SLC67A2: variants seen among roughly 807,000 people sequenced by gnomAD.
The protein encoded by SLC67A2 is solute carrier family 67 member 2, also known as solute carrier family 67 member A2.
chr2:102,735,634 T>C, the SLC67A2 span, among the ~76,000 whole-genome samples: 1 of 152,170 alleles, frequency 6.6e-6, no homozygotes, highest in Admixed American at 6.5e-5. Flanking sequence ...GAGGTGGATC[T>C]AGGGTTCTTG....
chr2:102,719,291 G>C, the SLC67A2 span: 1 of 1,351,740 alleles, frequency 7.4e-7, no homozygotes, highest in South Asian at 1.4e-5. Context: ...CCAATTATTT[G>C]TGTTAGATTA....
chr2:102,728,177 A>T, the SLC67A2 span, among the ~76,000 whole-genome samples: 1 of 152,178 alleles, frequency 6.6e-6, no homozygotes, highest in Non-Finnish European at 1.5e-5. Flanking sequence ...TAAACACTAT[A>T]CTATCAATGG....
At chr2:102,724,563 T>C in the SLC67A2 span, among the ~76,000 whole-genome samples, 2 of 152,240 alleles carry the variant, frequency 1.3e-5, no homozygotes, top group Admixed American at 6.5e-5. Context: ...TTGACTCCTA[T>C]GTCCCTAGAC....
chr2:102,727,023 A>G, the SLC67A2 span: 3 of 1,588,494 alleles, frequency 1.9e-6, no homozygotes, highest in Non-Finnish European at 2.6e-6. Flanking sequence ...AGTAACGACT[A>G]CCACCATGCA....
At chr2:102,733,346 G>A in the SLC67A2 span, among the ~76,000 whole-genome samples, 2 of 152,106 alleles carry the variant, frequency 1.3e-5, no homozygotes, top group Non-Finnish European at 2.9e-5. Flanking sequence ...GAAAGAACTC[G>A]CATGAAATAT....
the SLC67A2 span, chr2:102,732,494 A>C: frequency 8.9e-7 from 1 of 1,120,492 alleles, no homozygotes; most frequent in Non-Finnish European, 1.3e-6. Context: ...TAAAAAATAA[A>C]ACCAATATCT....
chr2:102,721,330 C>T, the SLC67A2 span, among the ~76,000 whole-genome samples: 1 of 152,132 alleles, frequency 6.6e-6, no homozygotes, highest in Non-Finnish European at 1.5e-5. Flanking sequence ...ATGTGCACCC[C>T]TCCTGATTCA....
the SLC67A2 span, among the ~76,000 whole-genome samples, chr2:102,734,490 T>C: frequency 2.0e-5 from 3 of 152,152 alleles, no homozygotes; most frequent in Non-Finnish European, 4.4e-5. Context: ...TCCTCTCCCA[T>C]TCAGAAACCA....
At chr2:102,736,415 T>G in the SLC67A2 span, 2 of 1,194,618 alleles carry the variant, frequency 1.7e-6, no homozygotes, top group Non-Finnish European at 2.2e-6. Flanking sequence ...AGGGAAGACG[T>G]TCCGCGAACG....
the SLC67A2 span, among the ~76,000 whole-genome samples, chr2:102,735,846 G>A: frequency 3.1e-4 from 46 of 149,676 alleles, no homozygotes; most frequent in African/African-American, 5.4e-4. Context: ...ACGCGCGCGC[G>A]CACACACACA....
chr2:102,715,880 A>G, the SLC67A2 span: 1 of 152,210 alleles, frequency 6.6e-6, no homozygotes, highest in Non-Finnish European at 1.5e-5. Flanking sequence ...ATTATATTCC[A>G]TAAGTGATAC....
chr2:102,714,826 T>C, the SLC67A2 span, among the ~76,000 whole-genome samples: 1 of 152,080 alleles, frequency 6.6e-6, no homozygotes, highest in Non-Finnish European at 1.5e-5. Flanking sequence ...CAAAGAGGCA[T>C]GGAGATTCAG....
chr2:102,734,551 A>C, the SLC67A2 span, among the ~76,000 whole-genome samples: 2 of 147,576 alleles, frequency 1.4e-5, no homozygotes, highest in South Asian at 2.1e-4. Context: ...GTCAAAAAAA[A>C]ACTAAATTAT....
At chr2:102,730,995 T>C in the SLC67A2 span, 4 of 1,607,688 alleles carry the variant, frequency 2.5e-6, no homozygotes, top group South Asian at 3.3e-5. Context: ...ACTACATCTG[T>C]GATGGATGAG....
At chr2:102,724,477 T>C in the SLC67A2 span, among the ~76,000 whole-genome samples, 1 of 152,138 alleles carries the variant, frequency 6.6e-6, no homozygotes. Flanking sequence ...TTGAACAAAT[T>C]GAATGCTGTG....
chr2:102,715,108 C>T, the SLC67A2 span, among the ~76,000 whole-genome samples: 2 of 152,316 alleles, frequency 1.3e-5, no homozygotes, highest in Admixed American at 1.3e-4. Context: ...CCAGCTCTCC[C>T]TCAGGGCCCC....
chr2:102,732,574 A>T, the SLC67A2 span: 1 of 584,284 alleles, frequency 1.7e-6, no homozygotes, highest in East Asian at 2.9e-5. Context: ...TGCCACTTGC[A>T]AATGCCTGGA....
the SLC67A2 span, among the ~76,000 whole-genome samples, chr2:102,722,858 G>A: frequency 6.6e-6 from 1 of 152,104 alleles, no homozygotes; most frequent in African/African-American, 2.4e-5. Flanking sequence ...AAAGCAAAAA[G>A]TAACCTGCAC....
the SLC67A2 span, among the ~76,000 whole-genome samples, chr2:102,729,332 G>A: frequency 6.6e-6 from 1 of 152,168 alleles, no homozygotes; most frequent in Admixed American, 6.5e-5. Context: ...TGATAAGTAA[G>A]AGTATAAAAA....
Sources: allele counts gnomAD v4.1 joint callset (sites outside exome capture counted in the v4.1 genomes callset), GRCh38; gene constraint gnomAD v4.1.1; transcripts MANE v1.5; gene names NCBI Gene and HGNC (gene_info 2026-07-23, HGNC 2026-07-21).